Variants in RAPGEF6 observed in about 807,000 individuals in gnomAD.
The protein encoded by RAPGEF6 is PDZ domain containing guanine nucleotide exchange factor (GEF) 2.
Under a neutral mutation model 171.4 loss-of-function variants are expected in RAPGEF6, and 56 were observed. The observed-to-expected ratio is 0.33, with a 90% CI of 0.26 to 0.41. RAPGEF6 has a LOEUF of 0.41. RAPGEF6 is among the 10% of genes least tolerant of loss of function. The probability of loss-of-function intolerance (pLI) is 1.00; values close to 1 mark genes in which losing one functional copy is unlikely to be tolerated. For synonymous variants in RAPGEF6, 692 were observed against 650.1 expected, an observed-to-expected ratio of 1.06 and a Z score of -0.98; for missense variants, 1,674 against 1,921.4, an observed-to-expected ratio of 0.87 and a Z score of 2.41.
At chr5:131,630,226 C>G (rs1451735599) in intron 1 of RAPGEF6, among the ~76,000 whole-genome samples, 1 of 152,218 alleles carries the variant, frequency 6.6e-6, no homozygotes, top group Non-Finnish European at 1.5e-5. Flanking sequence ...GACCCTCCAC[C>G]AGCTAAAAGA....
At chr5:131,439,492 A>G in intron 24 of RAPGEF6, 89 bp downstream of exon 24, 2 of 1,464,696 alleles carry the variant, frequency 1.4e-6, no homozygotes, top group African/African-American at 2.8e-5. Flanking sequence ...TTAATGATTT[A>G]TAATTATTGC....
rs750061093 is a variant in RAPGEF6, at chr5:131,508,219, C to A, written c.806-12G>T. ...CTCCAGCAATTGTTCTATAAGAAAA[C>A]AGAAATTCTGGTATAAAGACCATCG... On this transcript the variant is annotated splice_polypyrimidine_tract_variant and intron_variant, in intron 8 of 27. Coordinates refer to ENST00000509018, the MANE Select transcript of RAPGEF6 (RefSeq NM_016340.6). 6.3e-7 allele frequency: 1 copy of A among 1,598,402 alleles called. No homozygotes were observed. Among genetic ancestry groups the A allele is most frequent in the Admixed American group, 1.8e-5 (1 of 57,104 alleles).
chr5:131,464,731 A>G (rs909679835), intron 17 of RAPGEF6, among the ~76,000 whole-genome samples: 1 of 152,208 alleles, frequency 6.6e-6, no homozygotes. Context: ...CCCTGTCAAA[A>G]GTAAGTAAGC....
chr5:131,474,814 T>C (rs570351061), intron 16 of RAPGEF6, among the ~76,000 whole-genome samples: 1 of 152,304 alleles, frequency 6.6e-6, no homozygotes, highest in Non-Finnish European at 1.5e-5. Context: ...TAATTGACTT[T>C]TGAAAACAAA....
chr5:131,566,125 TGACAG>T (rs2149973100), intron 4 of RAPGEF6, among the ~76,000 whole-genome samples: 1 of 150,026 alleles, frequency 6.7e-6, no homozygotes, highest in African/African-American at 2.5e-5. Context: ...CCAGCCTGGG[TGACAG>T]AATGAGACTC....
intron 5 of RAPGEF6, among the ~76,000 whole-genome samples, chr5:131,556,002 C>T (rs1761213944): frequency 6.6e-6 from 1 of 151,988 alleles, no homozygotes; most frequent in African/African-American, 2.4e-5. Context: ...ACACCATAGG[C>T]AATTATAACA....
chr5:131,481,241 TTTGAGAAAGGGTC>T (rs1363757607), intron 15 of RAPGEF6, among the ~76,000 whole-genome samples: 1 of 151,576 alleles, frequency 6.6e-6, no homozygotes, highest in Non-Finnish European at 1.5e-5. Flanking sequence ...TTTTCCTTTT[TTTGAGAAAGGGTC>T]TCACTCTGTT....
intron 7 of RAPGEF6, among the ~76,000 whole-genome samples, chr5:131,518,316 T>C (rs1337272072): frequency 1.3e-5 from 2 of 152,114 alleles, no homozygotes; most frequent in Non-Finnish European, 2.9e-5. Flanking sequence ...TTTATCTTTA[T>C]TGGCTTCTTT....
chr5:131,481,230 T>A (rs1006136010), intron 15 of RAPGEF6, among the ~76,000 whole-genome samples: 1 of 150,186 alleles, frequency 6.7e-6, no homozygotes, highest in Non-Finnish European at 1.5e-5. Flanking sequence ...TGGCCCTTTT[T>A]TTTTCCTTTT....
intron 5 of RAPGEF6, among the ~76,000 whole-genome samples, chr5:131,560,657 A>G (rs1049399371): frequency 6.6e-6 from 1 of 152,232 alleles, no homozygotes; most frequent in Non-Finnish European, 1.5e-5. Context: ...TTGAAACAAT[A>G]CATACTCCAT....
chr5:131,506,149 A>AT (rs1757359889), intron 9 of RAPGEF6, among the ~76,000 whole-genome samples: 1 of 152,076 alleles, frequency 6.6e-6, no homozygotes, highest in African/African-American at 2.4e-5. Flanking sequence ...TTATTTATTT[A>AT]TTTATTTGAG....
chr5:131,498,070 TA>T (rs911955550), intron 12 of RAPGEF6, among the ~76,000 whole-genome samples: 15 of 152,290 alleles, frequency 9.8e-5, no homozygotes, highest in East Asian at 9.6e-4. Flanking sequence ...TCTGCCCTCT[TA>T]AAAAAATGTA....
chr5:131,616,154 A>G (rs545239882), intron 1 of RAPGEF6, among the ~76,000 whole-genome samples: 4 of 152,294 alleles, frequency 2.6e-5, no homozygotes, highest in African/African-American at 9.6e-5. Context: ...GGTACTTCCT[A>G]AAACAGATAA....
Position 131,429,083 on chromosome 5 carries a change from A to G in RAPGEF6, c.4599T>C (p.Ser1533=), listed in dbSNP as rs749771919. 3.7e-6 allele frequency: 6 copies of G among 1,614,192 alleles called. No homozygotes were observed. The highest frequency in any genetic ancestry group is 1.7e-4 in the Middle Eastern group (1 of 6,056). ...PHTHLKPPDY[S]VAVQRSKMMH... ...TCATCTTTGACCTCTGCACTGCCAC[A>G]CTATAATCTGGAGGTTTTAGGTGTG... Residue 1533 remains serine, a synonymous_variant, in exon 27 of 28, where the codon AGT becomes AGC. Coordinates refer to ENST00000509018, the MANE Select transcript of RAPGEF6 (RefSeq NM_016340.6).
At chr5:131,578,105 G>A (rs1285898124) in intron 4 of RAPGEF6, among the ~76,000 whole-genome samples, 2 of 152,022 alleles carry the variant, frequency 1.3e-5, no homozygotes, top group East Asian at 1.9e-4. Flanking sequence ...TCCTCAAACC[G>A]CCACCCTTAA....
chr5:131,557,578 T>C (rs1761318420), intron 5 of RAPGEF6, among the ~76,000 whole-genome samples: 3 of 152,154 alleles, frequency 2.0e-5, no homozygotes, highest in Admixed American at 6.5e-5. Flanking sequence ...TCCTAGCCAA[T>C]AGTTTTGGTA....
intron 1 of RAPGEF6, among the ~76,000 whole-genome samples, chr5:131,613,237 C>T (rs1366667194): frequency 6.6e-6 from 1 of 152,082 alleles, no homozygotes; most frequent in Non-Finnish European, 1.5e-5. Flanking sequence ...GGTGAAACCC[C>T]GTCTCTACTA....
chr5:131,530,665 G>C (rs764500062), intron 6 of RAPGEF6, among the ~76,000 whole-genome samples: 1 of 152,174 alleles, frequency 6.6e-6, no homozygotes. Context: ...TACCAATCCA[G>C]AATCCTGCTC....
In RAPGEF6 at chr5:131,439,617, T is replaced by C. The variant is rs1752249864; in HGVS notation, c.3709A>G (p.Ser1237Gly). 6.2e-7 allele frequency: 1 copy of C among 1,612,616 alleles called. No homozygotes were observed. Among genetic ancestry groups the C allele is most frequent in the South Asian group, 1.1e-5 (1 of 90,884 alleles). ...GAGCCTTGAGGAGATGCAGGAGGAC[T>C]AGAATGTAAAGATGACGCCACAGAA... ...TISVASSLHS[S>G]PPASPQGSPH... The change falls in exon 24 of 28, where the codon AGT becomes GGT. Residue 1237 changes from serine (S) to glycine (G), a missense_variant. Around this residue, in one of 3 missense-constraint regions of RAPGEF6, gnomAD observed 552 missense variants for 574.2 expected, o/e 0.96. Coordinates refer to ENST00000509018, the MANE Select transcript of RAPGEF6 (RefSeq NM_016340.6).
Sources: allele counts gnomAD v4.1 joint callset (sites outside exome capture counted in the v4.1 genomes callset), GRCh38; gene constraint gnomAD v4.1.1; regional missense constraint gnomAD v4.1.1; transcripts MANE v1.5; gene names NCBI Gene and HGNC (gene_info 2026-07-23, HGNC 2026-07-21).